The following ZBTB2 variants were observed in gnomAD, a reference collection of about 807,000 sequenced individuals.
ZBTB2 encodes the protein zinc finger and BTB domain-containing protein 2.
A neutral mutation model predicts 39.5 loss-of-function variants in ZBTB2; 2 were observed. That is an observed-to-expected ratio of 0.05 (90% CI 0.02 to 0.16). ZBTB2 has a LOEUF of 0.16. Among genes scored for constraint, ZBTB2 ranks in the 10% least tolerant of loss-of-function variants. The pLI, the probability that ZBTB2 is intolerant of heterozygous loss-of-function variation, is 1.00. For missense variants in ZBTB2, 391 were observed against 653.0 expected, an observed-to-expected ratio of 0.60 and a Z score of 4.37; for synonymous variants, 251 against 256.6, an observed-to-expected ratio of 0.98 and a Z score of 0.21.
intron 1 of ZBTB2, among the ~76,000 whole-genome samples, chr6:151,386,535 AAAC>A (rs914564780): frequency 9.2e-5 from 14 of 152,228 alleles, no homozygotes; most frequent in Non-Finnish European, 1.3e-4. Context: ...CCCTGTCTCA[AAAC>A]AACAACAACA....
At chr6:151,384,565 G>A (rs186915983) in intron 1 of ZBTB2, among the ~76,000 whole-genome samples, 1 of 152,212 alleles carries the variant, frequency 6.6e-6, no homozygotes, top group Admixed American at 6.5e-5. Context: ...GCAGATCAAA[G>A]TGTCCAAGAT....
intron 1 of ZBTB2, 93 bp from the exon 2 acceptor site, chr6:151,373,742 G>A (rs1020356454): frequency 1.0e-4 from 112 of 1,105,094 alleles, no homozygotes; most frequent in Admixed American, 9.7e-4. Context: ...TAGCTAACAT[G>A]TCATCATAGC....
chr6:151,380,226 A>G (rs1331970777), intron 1 of ZBTB2, among the ~76,000 whole-genome samples: 1 of 152,222 alleles, frequency 6.6e-6, no homozygotes, highest in Non-Finnish European at 1.5e-5. Context: ...ATCAACTTGA[A>G]AAAAATCTTC....
In ZBTB2 at chr6:151,365,445, T is replaced by C; in HGVS notation, c.*76A>G. On this transcript the variant is annotated 3_prime_UTR_variant, in exon 3 of 3. Coordinates refer to ENST00000325144, the MANE Select transcript of ZBTB2 (RefSeq NM_020861.3). The surrounding 1 kb of genome is among the most constrained non-coding windows in gnomAD (Gnocchi z 5.6). ...CTGTTTGTATCATGCCATGGAGAAC[T>C]ACAGTTCTGAATTCAGGGAAGGGAG... 5 of 1,498,512 alleles carry C rather than the reference T, an allele frequency of 3.3e-6. No homozygotes were observed. Among genetic ancestry groups the C allele is most frequent in the Non-Finnish European group, 4.5e-6 (5 of 1,113,764 alleles). The allele number at this position is 1,498,512 out of a possible 1,614,324, so 92.8% of individuals were successfully genotyped here.
chr6:151,370,635 A>G lies in ZBTB2; in HGVS notation c.173+2830T>C, dbSNP rs146750066. On this transcript the variant is annotated intron_variant, in intron 2 of 2. Transcript: ENST00000325144. ...CATACCACTCGGAGTAGTAGACATA[A>G]GACAGGGACATCTAGTGGTAACTAC... 5.7e-4 allele frequency among the ~76,000 whole-genome samples: 87 copies of G among 152,248 alleles called. No homozygotes were observed. In the East Asian group the frequency reaches 9.4e-3, roughly 17 times the overall value.
At chr6:151,374,699 C>G (rs1778862632) in intron 1 of ZBTB2, among the ~76,000 whole-genome samples, 1 of 148,002 alleles carries the variant, frequency 6.8e-6, no homozygotes, top group African/African-American at 2.5e-5. Context: ...CGCAACAAAG[C>G]AAGACAGGAA....
intron 1 of ZBTB2, among the ~76,000 whole-genome samples, chr6:151,390,570 G>A (rs1050239819): frequency 1.5e-4 from 22 of 150,536 alleles, no homozygotes; most frequent in Admixed American, 3.3e-4. Flanking sequence ...GGGAGAGAGG[G>A]AGAGGGATGA....
At chr6:151,379,163 G>A (rs948009905) in intron 1 of ZBTB2, among the ~76,000 whole-genome samples, 7 of 152,120 alleles carry the variant, frequency 4.6e-5, no homozygotes, top group Non-Finnish European at 5.9e-5. Flanking sequence ...CACCTCTACC[G>A]TAACTCTTTT....
At chr6:151,378,955 T>C (rs960543469) in intron 1 of ZBTB2, among the ~76,000 whole-genome samples, 1 of 152,222 alleles carries the variant, frequency 6.6e-6, no homozygotes, top group African/African-American at 2.4e-5. Flanking sequence ...AGAGGGTAGG[T>C]GGCTTGCCCA....
intron 2 of ZBTB2, among the ~76,000 whole-genome samples, chr6:151,369,429 T>C (rs971349415): frequency 8.5e-5 from 13 of 152,260 alleles, no homozygotes; most frequent in Middle Eastern, 3.4e-3. Context: ...CATAGCTGAC[T>C]GCAGCCTCAG....
chr6:151,382,554 CTTTT>C (rs752839929), intron 1 of ZBTB2, among the ~76,000 whole-genome samples: 1 of 124,990 alleles, frequency 8.0e-6, no homozygotes, highest in Admixed American at 8.1e-5. Flanking sequence ...TGCGCCTGGT[CTTTT>C]TTTTTTTTTG....
intron 1 of ZBTB2, among the ~76,000 whole-genome samples, chr6:151,382,057 G>T (rs1003639213): frequency 2.0e-5 from 3 of 152,076 alleles, no homozygotes; most frequent in Non-Finnish European, 4.4e-5. Flanking sequence ...CTGCTCCTAG[G>T]CTACAAACCT....
At chr6:151,367,973 C>T (rs980959452) in intron 2 of ZBTB2, among the ~76,000 whole-genome samples, 1 of 152,142 alleles carries the variant, frequency 6.6e-6, no homozygotes, top group Non-Finnish European at 1.5e-5. Flanking sequence ...CCACATATCA[C>T]AAGGTATATA....
At chr6:151,370,179 A>G in intron 2 of ZBTB2, 1 of 704,724 alleles carries the variant, frequency 1.4e-6, no homozygotes, top group Non-Finnish European at 1.7e-6. Flanking sequence ...CTTGTTGCCC[A>G]GGCTGGAGTG....
chr6:151,368,058 A>G (rs892235604), intron 2 of ZBTB2, among the ~76,000 whole-genome samples: 3 of 152,212 alleles, frequency 2.0e-5, no homozygotes, highest in South Asian at 2.1e-4. Context: ...ATGCTTTTAG[A>G]ATTTATAATT....
chr6:151,367,881 T>C (rs369570591), intron 2 of ZBTB2, among the ~76,000 whole-genome samples: 8 of 152,334 alleles, frequency 5.3e-5, no homozygotes, highest in Admixed American at 1.3e-4. Context: ...GCAGTAATAA[T>C]GAAGAGGTTC....
At chr6:151,382,364 T>A (rs775234490) in intron 1 of ZBTB2, among the ~76,000 whole-genome samples, 3 of 151,634 alleles carry the variant, frequency 2.0e-5, no homozygotes, top group Non-Finnish European at 4.4e-5. Flanking sequence ...CAAGCAATTC[T>A]CCTGCCTCAG....
At chr6:151,368,324 T>C (rs1408336777) in intron 2 of ZBTB2, among the ~76,000 whole-genome samples, 1 of 152,142 alleles carries the variant, frequency 6.6e-6, no homozygotes, top group Non-Finnish European at 1.5e-5. Flanking sequence ...TTTCTTTTTG[T>C]ATTTTTAGTA....
rs748369220 is a variant in ZBTB2, at chr6:151,366,727, G to A, written c.339C>T (p.Leu113=). Residue 113 remains leucine, a synonymous_variant, in exon 3 of 3, where the codon CTC becomes CTT. Coordinates refer to ENST00000325144, the MANE Select transcript of ZBTB2 (RefSeq NM_020861.3). This position sits in a 1 kb window ranked among gnomAD's most constrained non-coding sequence, Gnocchi z 7.1. ...HAYPLIQEAS[L]ASQGAFSHPD... is the part of the protein sequence containing the mutation. ...GGTGAGAAAAGGCTCCCTGGCTGGC[G>A]AGGCTGGCTTCCTGAATGAGCGGGT... 3.7e-6 allele frequency: 6 copies of A among 1,614,128 alleles called. No homozygotes were observed. The highest frequency in any genetic ancestry group is 2.2e-5 in the South Asian group (2 of 91,076).
Sources: gnomAD v4.1 joint callset for allele counts (sites outside exome capture counted in the v4.1 genomes callset) on GRCh38, gnomAD v4.1.1 for gene constraint, Gnocchi (gnomAD v3.1) non-coding constraint, MANE v1.5 for transcripts, NCBI Gene and HGNC (gene_info 2026-07-23, HGNC 2026-07-21) for gene names.